RAD51B: variants seen among roughly 807,000 people sequenced by gnomAD.
RAD51B encodes DNA repair protein RAD51 homolog 2.
A neutral mutation model predicts 42.2 loss-of-function variants in RAD51B; 38 were observed. That is an observed-to-expected ratio of 0.90 (90% CI 0.70 to 1.18). The LOEUF (loss-of-function observed/expected upper bound fraction) is 1.18. Among genes scored for constraint, RAD51B ranks in the 50% most tolerant of loss-of-function variants. RAD51B has a pLI of 0.00. For synonymous variants in RAD51B, 154 were observed against 145.2 expected (o/e 1.06, Z -0.43); for missense variants, 373 against 400.7 (o/e 0.93, Z 0.59).
intron 8 of RAD51B, among the ~76,000 whole-genome samples, chr14:68,404,494 C>T (rs1017415079): frequency 6.6e-6 from 1 of 152,166 alleles, no homozygotes; most frequent in African/African-American, 2.4e-5. Context: ...AGTCAAAAGA[C>T]ATAAGAGACC....
At chr14:67,831,052 T>C (rs2041023885) in intron 3 of RAD51B, among the ~76,000 whole-genome samples, 1 of 134,996 alleles carries the variant, frequency 7.4e-6, no homozygotes, top group Non-Finnish European at 1.7e-5. Flanking sequence ...ATTTTTTATA[T>C]TTTTAGTAGA....
chr14:68,375,162 G>A (rs2331694), intron 8 of RAD51B, among the ~76,000 whole-genome samples: 21,772 of 151,876 alleles, frequency 0.14, 1,759 homozygotes, highest in East Asian at 0.39. Context: ...TTAATCTTAA[G>A]AAATAGCACT....
At chr14:68,087,993 T>A (rs184831729) in intron 7 of RAD51B, among the ~76,000 whole-genome samples, 6 of 130,308 alleles carry the variant, frequency 4.6e-5, no homozygotes, top group East Asian at 2.0e-4. Context: ...TATAATATAT[T>A]ATTATATATA....
intron 8 of RAD51B, among the ~76,000 whole-genome samples, chr14:68,329,162 C>T (rs9989140): frequency 0.15 from 22,203 of 152,102 alleles, 2,417 homozygotes; most frequent in African/African-American, 0.31. Context: ...GTGTATGCCA[C>T]CACATCCAGC....
intron 8 of RAD51B, among the ~76,000 whole-genome samples, chr14:68,303,457 T>TAAAAAAAAAAAA: frequency 7.2e-6 from 1 of 138,738 alleles, no homozygotes; most frequent in Non-Finnish European, 1.5e-5. Flanking sequence ...TAAAGTATAA[T>TAAAAAAAAAAAA]AAAAAAAAAA....
At chr14:67,875,826 G>T (rs1281581142) in intron 5 of RAD51B, among the ~76,000 whole-genome samples, 4 of 152,208 alleles carry the variant, frequency 2.6e-5, no homozygotes, top group Admixed American at 2.6e-4. Flanking sequence ...GGCCAGCCAT[G>T]ACTCAGGCTG....
At chr14:68,116,853 A>G (rs2077557851) in intron 7 of RAD51B, among the ~76,000 whole-genome samples, 1 of 150,080 alleles carries the variant, frequency 6.7e-6, no homozygotes, top group South Asian at 2.1e-4. Context: ...GGGAAATCTC[A>G]AATGTAGAGT....
In RAD51B at chr14:68,036,512, G is replaced by A. The variant is rs142084383; in HGVS notation, c.756+149308G>A. ...ATCCAAGTCTTATTTCAGCCTCTGC[G>A]TTTAGTACATGTGAGCTTTGGACAG... On this transcript the variant is annotated intron_variant, in intron 7 of 10. Coordinates refer to ENST00000471583, the MANE Select transcript of RAD51B (RefSeq NM_133510.4). 5.3e-5 allele frequency among the ~76,000 whole-genome samples: 8 copies of A among 152,280 alleles called. No individual in the cohort carries two copies. In the East Asian group the frequency reaches 1.3e-3, roughly 26 times the overall value.
chr14:67,954,359 T>C (rs773636681), intron 7 of RAD51B, among the ~76,000 whole-genome samples: 2 of 152,082 alleles, frequency 1.3e-5, no homozygotes, highest in African/African-American at 2.4e-5. Context: ...ATCTTATTAG[T>C]GAGGGAAATA....
At chr14:68,440,746 C>CA (rs35547028) in intron 9 of RAD51B, among the ~76,000 whole-genome samples, 16,305 of 144,406 alleles carry the variant, frequency 0.11, 1,459 homozygotes, top group African/African-American at 0.25. Flanking sequence ...AACTCCATCT[C>CA]AAAAAAAAAA....
intron 11 of RAD51B, among the ~76,000 whole-genome samples, chr14:68,673,742 A>T (rs111217108): frequency 6.6e-6 from 1 of 151,794 alleles, no homozygotes; most frequent in African/African-American, 2.4e-5. Context: ...GCATACACAT[A>T]CTGTACACAC....
intron 8 of RAD51B, among the ~76,000 whole-genome samples, chr14:68,354,144 C>CTA (rs2082846160): frequency 6.6e-6 from 1 of 151,168 alleles, no homozygotes; most frequent in Admixed American, 6.6e-5. Context: ...CTTTGTGGTG[C>CTA]TATATAGGTG....
At chr14:68,505,651 AG>A (rs1010916145) in intron 10 of RAD51B, among the ~76,000 whole-genome samples, 3 of 150,890 alleles carry the variant, frequency 2.0e-5, no homozygotes, top group African/African-American at 7.3e-5. Flanking sequence ...CTCTGGTTCA[AG>A]CAATTCCCCT....
intron 7 of RAD51B, among the ~76,000 whole-genome samples, chr14:67,895,896 T>C (rs2043399275): frequency 6.6e-6 from 1 of 152,154 alleles, no homozygotes; most frequent in Non-Finnish European, 1.5e-5. Flanking sequence ...CTATCTGAGC[T>C]CTCAAGTTCT....
chr14:68,567,256 G>A (rs576093576), intron 10 of RAD51B, among the ~76,000 whole-genome samples: 8 of 152,164 alleles, frequency 5.3e-5, no homozygotes, highest in South Asian at 2.1e-4. Flanking sequence ...CCAAGATCGC[G>A]GCCACTGCAC....
intron 7 of RAD51B, among the ~76,000 whole-genome samples, chr14:68,002,197 T>C (rs1020585985): frequency 1.3e-5 from 2 of 152,148 alleles, no homozygotes; most frequent in Non-Finnish European, 2.9e-5. Flanking sequence ...TCTGCAACCT[T>C]GCCAGCATCT....
At chr14:67,836,299 G>A (rs967700758) in intron 4 of RAD51B, among the ~76,000 whole-genome samples, 1 of 152,126 alleles carries the variant, frequency 6.6e-6, no homozygotes, top group Non-Finnish European at 1.5e-5. Flanking sequence ...CTCTCCACAG[G>A]CTTCTTGAGT....
intron 7 of RAD51B, among the ~76,000 whole-genome samples, chr14:68,117,883 C>G (rs568675378): frequency 1.3e-5 from 2 of 152,174 alleles, no homozygotes; most frequent in Non-Finnish European, 2.9e-5. Context: ...TAGAACTTGT[C>G]CTTTCGAATT....
intron 10 of RAD51B, among the ~76,000 whole-genome samples, chr14:68,550,198 T>C (rs991364451): frequency 2.6e-5 from 4 of 152,224 alleles, no homozygotes; most frequent in Admixed American, 1.3e-4. Context: ...TTTGTTTACT[T>C]TTCCTCCTGG....
Sources: allele counts gnomAD v4.1 joint callset (sites outside exome capture counted in the v4.1 genomes callset), GRCh38; gene constraint gnomAD v4.1.1; transcripts MANE v1.5; gene names NCBI Gene and HGNC (gene_info 2026-07-23, HGNC 2026-07-21).